Variants in PEPD observed in about 807,000 individuals in gnomAD.
The protein encoded by PEPD is xaa-Pro dipeptidase.
A neutral mutation model predicts 60.7 loss-of-function variants in PEPD; 53 were observed. That is an observed-to-expected ratio of 0.87 (90% CI 0.70 to 1.10). The LOEUF is 1.10. Ranked by LOEUF, PEPD falls within the 50% of genes least tolerant of loss-of-function variation. The pLI is 0.00. For missense variants in PEPD, 711 were observed against 711.9 expected (o/e 1.00, Z 0.01); for synonymous variants, 267 against 284.1 (o/e 0.94, Z 0.60).
intron 9 of PEPD, among the ~76,000 whole-genome samples, chr19:33,451,002 A>G (rs1251114484): frequency 2.6e-5 from 4 of 152,238 alleles, no homozygotes; most frequent in Admixed American, 2.6e-4. Flanking sequence ...TGTCTGCATA[A>G]ACTGCCCCTT....
chr19:33,494,837 C>T (rs2145325151), intron 4 of PEPD, among the ~76,000 whole-genome samples: 1 of 152,344 alleles, frequency 6.6e-6, no homozygotes. Flanking sequence ...AGAATACTCT[C>T]TTAATGGACA....
chr19:33,472,510 A>G (rs192169171), intron 7 of PEPD, among the ~76,000 whole-genome samples: 3 of 152,320 alleles, frequency 2.0e-5, no homozygotes, highest in Non-Finnish European at 4.4e-5. Flanking sequence ...CTCCTACCCC[A>G]TGTAGGCCTA....
At chr19:33,458,294 T>A (rs893093155) in intron 9 of PEPD, among the ~76,000 whole-genome samples, 30 of 150,692 alleles carry the variant, frequency 2.0e-4, no homozygotes, top group African/African-American at 7.1e-4. Context: ...GTGGTGAGTG[T>A]GGTGTGTAGG....
intron 8 of PEPD, 81 bp downstream of exon 8, chr19:33,463,906 A>T: frequency 1.1e-6 from 1 of 913,516 alleles, no homozygotes; most frequent in Non-Finnish European, 1.8e-6. Flanking sequence ...GCCCACCTGG[A>T]AACCCTTCAT....
chr19:33,461,934 G>A (rs1347946322), intron 9 of PEPD, among the ~76,000 whole-genome samples: 1 of 152,344 alleles, frequency 6.6e-6, no homozygotes, highest in Non-Finnish European at 1.5e-5. Flanking sequence ...CCTCCTGGGC[G>A]GGGTAAGGAG....
chr19:33,473,836 C>G lies in PEPD; in HGVS notation c.548+4210G>C, dbSNP rs577577149. 9.2e-5 allele frequency among the ~76,000 whole-genome samples: 14 copies of G among 152,260 alleles called. No homozygotes were observed. In the East Asian group the frequency reaches 2.7e-3, roughly 29 times the overall value. The stretch of plus-strand genomic sequence containing the variant: ...AGAAAAGAAATTATCCAGTTATGAT[C>G]TCATGTTTGTGGGGAAGAGTATGAT... On this transcript the variant is annotated intron_variant, in intron 7 of 14. Transcript: ENST00000244137.
rs1010223197 is a variant in PEPD at position 33,486,881 on chromosome 19, A to C, written c.503+3115T>G. ...ATAAGGGGAGCTGGGGGGGCCCATC[A>C]GGTCAAACCAAGAGGCCAAACCTGA... On this transcript the variant is annotated intron_variant, in intron 6 of 14. Transcript: ENST00000244137. The C allele has an allele frequency of 7.8e-5, 12 of 152,932 alleles. No homozygotes were observed. The East Asian group carries it at 1.2e-3, about 15-fold the overall frequency. The allele number at this position is 152,932 out of a possible 1,614,324, so 9.5% of individuals were successfully genotyped here.
At position 33,499,038 on chromosome 19, in the gene PEPD, A is replaced by T. The variant is rs138473149; in HGVS notation, c.393+1900T>A. ...ACACATCTGCCAAGGAGAGGGTCGGAAGGAAAACGAGAATGAAGGAGTAGG... is the reference window on the plus strand; with the variant it reads ...ACACATCTGCCAAGGAGAGGGTCGGTAGGAAAACGAGAATGAAGGAGTAGG... On this transcript the variant is annotated intron_variant, in intron 4 of 14. Coordinates refer to ENST00000244137, the MANE Select transcript of PEPD (RefSeq NM_000285.4). 3.2e-3 allele frequency among the ~76,000 whole-genome samples: 487 copies of T among 152,296 alleles called. 4 individuals carry two copies. The highest frequency in any genetic ancestry group is 0.011 in the African/African-American group (459 of 41,570).
At chr19:33,469,033 A>T (rs1970073574) in intron 7 of PEPD, among the ~76,000 whole-genome samples, 2 of 152,302 alleles carry the variant, frequency 1.3e-5, no homozygotes, top group South Asian at 4.1e-4. Context: ...CTATGACGCC[A>T]GCCCGGGGAA....
chr19:33,506,276 A>C (rs111164038), intron 3 of PEPD, among the ~76,000 whole-genome samples: 16,308 of 118,022 alleles, frequency 0.14, 1,039 homozygotes, highest in Middle Eastern at 0.2. Context: ...CCATCACAAA[A>C]ACCCTACACA....
At chr19:33,423,551 A>G (rs1253858628) in intron 9 of PEPD, among the ~76,000 whole-genome samples, 1 of 152,246 alleles carries the variant, frequency 6.6e-6, no homozygotes, top group African/African-American at 2.4e-5. Context: ...GGTGGGTAAA[A>G]CACAAAAGTA....
At chr19:33,415,077 G>A (rs1019371539) in intron 9 of PEPD, among the ~76,000 whole-genome samples, 2 of 152,194 alleles carry the variant, frequency 1.3e-5, no homozygotes, top group African/African-American at 2.4e-5. Flanking sequence ...GGCCAGACAG[G>A]CAGCCTCAGA....
chr19:33,444,745 C>G (rs1367167463), intron 9 of PEPD, among the ~76,000 whole-genome samples: 1 of 151,928 alleles, frequency 6.6e-6, no homozygotes, highest in Non-Finnish European at 1.5e-5. Context: ...CCAGAAACCA[C>G]TTAGTGTCTC....
chr19:33,462,126 C>T (rs1203121404), intron 9 of PEPD, among the ~76,000 whole-genome samples: 2 of 152,226 alleles, frequency 1.3e-5, no homozygotes, highest in African/African-American at 4.8e-5. Context: ...GATATGGAGC[C>T]AGCACCCCCA....
At chr19:33,475,696 T>G (rs1970202261) in intron 7 of PEPD, among the ~76,000 whole-genome samples, 1 of 152,186 alleles carries the variant, frequency 6.6e-6, no homozygotes, top group African/African-American at 2.4e-5. Context: ...AAGCTGTAAG[T>G]GACCACAAGG....
chr19:33,475,588 T>C (rs1970200790), intron 7 of PEPD, among the ~76,000 whole-genome samples: 2 of 152,158 alleles, frequency 1.3e-5, no homozygotes, highest in South Asian at 4.1e-4. Context: ...AAAATGTCAC[T>C]TGAATTAAAG....
chr19:33,517,795 T>C (rs1971051579), intron 1 of PEPD, among the ~76,000 whole-genome samples: 1 of 150,786 alleles, frequency 6.6e-6, no homozygotes, highest in South Asian at 2.1e-4. Context: ...TGAAACCCCA[T>C]CCCTATTAAA....
intron 9 of PEPD, among the ~76,000 whole-genome samples, chr19:33,414,682 A>G (rs1349255528): frequency 3.3e-5 from 5 of 151,178 alleles, no homozygotes; most frequent in African/African-American, 7.3e-5. Context: ...GCCTTAGAGA[A>G]CGTCCATACG....
chr19:33,476,119 G>A (rs1262666811), intron 7 of PEPD, among the ~76,000 whole-genome samples: 1 of 152,184 alleles, frequency 6.6e-6, no homozygotes, highest in African/African-American at 2.4e-5. Context: ...TCTCGTGTTT[G>A]TCTCCCAAAG....
Sources: gnomAD v4.1 joint callset for allele counts (sites outside exome capture counted in the v4.1 genomes callset) on GRCh38, gnomAD v4.1.1 for gene constraint, MANE v1.5 for transcripts, NCBI Gene and HGNC (gene_info 2026-07-23, HGNC 2026-07-21) for gene names.